The following SLC44A5 variants were observed in gnomAD, a reference collection of about 807,000 sequenced individuals.
The protein encoded by SLC44A5 is choline transporter-like protein 5.
In SLC44A5, 57 loss-of-function variants were observed where a neutral mutation model predicts 101.8. That is an observed-to-expected ratio of 0.56 (90% CI 0.45 to 0.70). SLC44A5 has a LOEUF of 0.70. Ranked by LOEUF, SLC44A5 falls within the 30% of genes least tolerant of loss-of-function variation. The pLI is 0.00. For synonymous variants in SLC44A5, 281 were observed against 290.9 expected (o/e 0.97, Z 0.35); for missense variants, 737 against 853.1 (o/e 0.86, Z 1.70).
chr1:75,361,712 C>T (rs747738296), intron 3 of SLC44A5, among the ~76,000 whole-genome samples: 10 of 151,982 alleles, frequency 6.6e-5, no homozygotes, highest in Non-Finnish European at 1.3e-4. Flanking sequence ...GATCATGATG[C>T]ATAATTGTTT....
chr1:75,210,949 C>CAT (rs1189411624), intron 23 of SLC44A5, among the ~76,000 whole-genome samples: 1 of 152,022 alleles, frequency 6.6e-6, no homozygotes, highest in African/African-American at 2.4e-5. Flanking sequence ...TTGATATATG[C>CAT]ATATATAGTA....
intron 3 of SLC44A5, among the ~76,000 whole-genome samples, chr1:75,376,180 G>T (rs547631133): frequency 6.6e-6 from 1 of 152,316 alleles, no homozygotes; most frequent in Non-Finnish European, 1.5e-5. Flanking sequence ...TGGCTCAGAG[G>T]GTCCTACGCC....
chr1:75,329,718 A>C (rs1017956259), intron 4 of SLC44A5, among the ~76,000 whole-genome samples: 3 of 152,076 alleles, frequency 2.0e-5, no homozygotes, highest in African/African-American at 7.2e-5. Context: ...TTCATCTCTG[A>C]TATTTTACAC....
the SLC44A5 span, among the ~76,000 whole-genome samples, chr1:75,656,951 C>T: frequency 3.9e-5 from 6 of 152,080 alleles, no homozygotes; most frequent in Non-Finnish European, 7.4e-5. Flanking sequence ...GAGTTCGAGA[C>T]CAGCCTGGCC....
the SLC44A5 span, among the ~76,000 whole-genome samples, chr1:75,701,884 T>G: frequency 6.6e-6 from 1 of 152,088 alleles, no homozygotes. Context: ...GAGAGCCAAA[T>G]CATGAGTGAA....
intron 1 of SLC44A5, among the ~76,000 whole-genome samples, chr1:75,554,469 CAAAAAAA>C (rs35263222): frequency 5.7e-5 from 7 of 123,418 alleles, no homozygotes; most frequent in African/African-American, 1.9e-4. Flanking sequence ...GTGACTCTGT[CAAAAAAA>C]AAAAAAAAAA....
chr1:75,714,599 T>C, the SLC44A5 span, among the ~76,000 whole-genome samples: 1 of 152,208 alleles, frequency 6.6e-6, no homozygotes, highest in Non-Finnish European at 1.5e-5. Context: ...TCTATACCTA[T>C]AAAATCCCAC....
the SLC44A5 span, among the ~76,000 whole-genome samples, chr1:75,667,252 T>C: frequency 3.9e-5 from 6 of 152,156 alleles, no homozygotes; most frequent in Non-Finnish European, 7.3e-5. Flanking sequence ...ACAAAATCAA[T>C]GCGTGAAAAT....
Position 75,214,631 on chromosome 1 carries a change from G to A in SLC44A5, c.1776C>T (p.Phe592=), listed in dbSNP as rs1175807386. The A allele has an allele frequency of 6.2e-7, 1 of 1,611,654 alleles. No individual in the cohort carries two copies. The highest frequency in any genetic ancestry group is 1.3e-5 in the African/African-American group (1 of 74,846). ...TCAAAACATTTCTCATCAGCAGATT[G>A]AAAGCATCTTTTGCTGACCTGCAGA... ...RNFCRSAKDA[F]NLLMRNVLKV... Residue 592 remains phenylalanine, a synonymous_variant, in exon 20 of 24, where the codon TTC becomes TTT. Transcript: ENST00000370859.
upstream of SLC44A5, among the ~76,000 whole-genome samples, chr1:75,613,529 G>A (rs1196473437): frequency 1.3e-5 from 2 of 152,190 alleles, no homozygotes; most frequent in African/African-American, 4.8e-5. Context: ...TTTTAAAGGT[G>A]TCCTTCTTTC....
chr1:75,695,159 C>T, the SLC44A5 span, among the ~76,000 whole-genome samples: 1 of 152,130 alleles, frequency 6.6e-6, no homozygotes, highest in Non-Finnish European at 1.5e-5. Context: ...GATATAACCA[C>T]CATCTCTGTG....
At chr1:75,509,010 G>T (rs1259281285) in intron 2 of SLC44A5, among the ~76,000 whole-genome samples, 1 of 152,180 alleles carries the variant, frequency 6.6e-6, no homozygotes, top group Non-Finnish European at 1.5e-5. Flanking sequence ...TGACAAAGCT[G>T]GGAACCAGTG....
chr1:75,617,444 T>C, the SLC44A5 span, among the ~76,000 whole-genome samples: 4 of 152,314 alleles, frequency 2.6e-5, no homozygotes, highest in Admixed American at 6.5e-5. Context: ...GACAAGTCAC[T>C]CAATCTCTCT....
the SLC44A5 span, among the ~76,000 whole-genome samples, chr1:75,668,771 G>C: frequency 1.3e-5 from 2 of 151,540 alleles, no homozygotes; most frequent in Non-Finnish European, 2.9e-5. Context: ...GAGGCAGGCA[G>C]ATCACCTGAG....
chr1:75,507,273 A>G (rs1017655987), intron 2 of SLC44A5, among the ~76,000 whole-genome samples: 2 of 152,062 alleles, frequency 1.3e-5, no homozygotes, highest in African/African-American at 4.8e-5. Context: ...GTTAGATTTT[A>G]TTTAAAGCTT....
At chr1:75,344,857 C>T (rs908065245) in intron 3 of SLC44A5, among the ~76,000 whole-genome samples, 1 of 152,050 alleles carries the variant, frequency 6.6e-6, no homozygotes, top group African/African-American at 2.4e-5. Flanking sequence ...TTCATTACCA[C>T]AGCAATAGGA....
intron 2 of SLC44A5, among the ~76,000 whole-genome samples, chr1:75,400,094 GCAC>G (rs1205712085): frequency 6.6e-6 from 1 of 152,124 alleles, no homozygotes; most frequent in Non-Finnish European, 1.5e-5. Context: ...CGAAAATCAA[GCAC>G]CACATTTTCT....
intron 9 of SLC44A5, among the ~76,000 whole-genome samples, chr1:75,241,193 A>G (rs1648597265): frequency 6.6e-6 from 1 of 151,982 alleles, no homozygotes; most frequent in South Asian, 2.1e-4. Context: ...TCCATAAGAA[A>G]GAAAACTCAG....
At chr1:75,598,266 CA>C (rs767918480) in intron 1 of SLC44A5, among the ~76,000 whole-genome samples, 10 of 147,440 alleles carry the variant, frequency 6.8e-5, no homozygotes, top group Non-Finnish European at 1.4e-4. Context: ...ATTAAGAAGC[CA>C]AAAAAAAACA....
Sources: gnomAD v4.1 joint callset for allele counts (sites outside exome capture counted in the v4.1 genomes callset) on GRCh38, gnomAD v4.1.1 for gene constraint, MANE v1.5 for transcripts, NCBI Gene and HGNC (gene_info 2026-07-23, HGNC 2026-07-21) for gene names.